Variants in TUSC3 observed in about 807,000 individuals in gnomAD.
TUSC3 encodes tumor suppressor candidate 3.
TUSC3 carries 45 observed loss-of-function variants against 44.8 expected under a neutral mutation model. That is an observed-to-expected ratio of 1.00 (90% CI 0.79 to 1.29). TUSC3 has a LOEUF of 1.29. Among genes scored for constraint, TUSC3 ranks in the 50% most tolerant of loss-of-function variants. The pLI is 0.00. For synonymous variants in TUSC3, 212 were observed against 152.9 expected, an observed-to-expected ratio of 1.39 and a Z score of -2.85; for missense variants, 519 against 437.9, an observed-to-expected ratio of 1.19 and a Z score of -1.65.
intron 2 of TUSC3, among the ~76,000 whole-genome samples, chr8:15,524,956 T>C (rs1024229070): frequency 6.6e-6 from 1 of 152,232 alleles, no homozygotes; most frequent in Non-Finnish European, 1.5e-5. Context: ...AGGGGGCCTC[T>C]GGCCTCTGCT....
At chr8:15,512,606 C>G (rs921947826) in intron 2 of TUSC3, among the ~76,000 whole-genome samples, 1 of 152,042 alleles carries the variant, frequency 6.6e-6, no homozygotes, top group Non-Finnish European at 1.5e-5. Context: ...AACCCCGTCT[C>G]TACTAAAAAT....
chr8:15,586,548 G>C (rs1803610024), intron 1 of TUSC3, among the ~76,000 whole-genome samples: 1 of 152,218 alleles, frequency 6.6e-6, no homozygotes, highest in Non-Finnish European at 1.5e-5. Flanking sequence ...CATTACCTCA[G>C]GCCCAGCCAG....
At chr8:15,456,723 A>T (rs1800261501) in intron 1 of TUSC3, among the ~76,000 whole-genome samples, 1 of 152,278 alleles carries the variant, frequency 6.6e-6, no homozygotes, top group Non-Finnish European at 1.5e-5. Flanking sequence ...TTCCTATCCC[A>T]CCACATTAAA....
At chr8:15,823,819 C>G in the TUSC3 span, among the ~76,000 whole-genome samples, 2 of 152,088 alleles carry the variant, frequency 1.3e-5, no homozygotes, top group African/African-American at 4.8e-5. Context: ...TAACACCTGT[C>G]TTATTGGTAT....
At chr8:15,447,601 A>G (rs990963243) in intron 1 of TUSC3, among the ~76,000 whole-genome samples, 3 of 152,186 alleles carry the variant, frequency 2.0e-5, no homozygotes, top group Non-Finnish European at 4.4e-5. Flanking sequence ...GATTTGACAC[A>G]AAGATTCTGT....
In TUSC3 at chr8:15,443,111, C is replaced by G. The variant is rs144711044; in HGVS notation, n.91+25806C>G. On this transcript the variant is annotated intron_variant and non_coding_transcript_variant, in intron 1 of 5. Transcript: ENST00000503191. ...TGTATACTGAAGTCTCTCTCCCCTA[C>G]TGTAGTAGTTTAAATAAAATCTGAC... Among the ~76,000 whole-genome samples, 398 of 152,278 alleles carry G rather than the reference C, an allele frequency of 2.6e-3. 2 individuals carry two copies. In the East Asian group the frequency reaches 0.043, roughly 16 times the overall value.
rs189274288 is a variant in TUSC3, at chr8:15,420,061, T to A, written n.91+2756T>A. Among the ~76,000 whole-genome samples the A allele has an allele frequency of 1.6e-3, 244 of 152,306 alleles. 1 individual carries two copies. Among genetic ancestry groups the A allele is most frequent in the African/African-American group, 5.5e-3 (229 of 41,568 alleles). On this transcript the variant is annotated intron_variant and non_coding_transcript_variant, in intron 1 of 5. Transcript: ENST00000503191. ...TAGCAGGAAATAAATATATTATTTT[T>A]GATGTAATGATGCCAAAAACACTAT...
At chr8:15,524,837 C>A (rs1801352931) in intron 2 of TUSC3, among the ~76,000 whole-genome samples, 1 of 152,094 alleles carries the variant, frequency 6.6e-6, no homozygotes, top group African/African-American at 2.4e-5. Flanking sequence ...TCCCAGAATA[C>A]AGTTGTCTTT....
chr8:15,562,169 G>A (rs905046618), intron 1 of TUSC3, among the ~76,000 whole-genome samples: 4 of 152,106 alleles, frequency 2.6e-5, no homozygotes, highest in Non-Finnish European at 5.9e-5. Flanking sequence ...AACCTAGTTG[G>A]GGTATCACTA....
At chr8:15,441,687 G>C (rs1800021773) in intron 1 of TUSC3, among the ~76,000 whole-genome samples, 1 of 152,092 alleles carries the variant, frequency 6.6e-6, no homozygotes, top group African/African-American at 2.4e-5. Flanking sequence ...CAATTATTCA[G>C]TTGTGAAGAA....
chr8:15,566,385 TTTA>T (rs1327415182), intron 1 of TUSC3, among the ~76,000 whole-genome samples: 5 of 152,108 alleles, frequency 3.3e-5, no homozygotes, highest in Non-Finnish European at 7.4e-5. Context: ...TTTAAATCAT[TTTA>T]TTATTCCTCA....
intron 6 of TUSC3, chr8:15,689,053 T>C (rs1808772902): frequency 6.1e-6 from 2 of 329,590 alleles, no homozygotes; most frequent in Non-Finnish European, 6.0e-6. Context: ...GACTCGTCAA[T>C]GTCATTTACA....
chr8:15,454,549 G>T (rs966293730), intron 1 of TUSC3, among the ~76,000 whole-genome samples: 1 of 152,164 alleles, frequency 6.6e-6, no homozygotes, highest in Non-Finnish European at 1.5e-5. Flanking sequence ...TTTCCAGCTC[G>T]CTATTTGTTT....
intron 2 of TUSC3, among the ~76,000 whole-genome samples, chr8:15,637,504 T>C (rs1049770884): frequency 6.6e-6 from 1 of 152,198 alleles, no homozygotes; most frequent in Non-Finnish European, 1.5e-5. Flanking sequence ...TTTAATGATA[T>C]TTACTTTAGG....
rs564654452 is a variant in TUSC3, at chr8:15,619,561, G to A, written c.139-3519G>A. Among the ~76,000 whole-genome samples, 10 of 151,788 alleles carry A rather than the reference G, an allele frequency of 6.6e-5. No individual in the cohort carries two copies. In the South Asian group the frequency reaches 1.2e-3, roughly 19 times the overall value. On this transcript the variant is annotated intron_variant, in intron 1 of 10. Coordinates refer to ENST00000503731, the MANE Select transcript of TUSC3 (RefSeq NM_006765.4). ...GGCTGGAGTGCAGTGGCACGATCTC[G>A]GCTTACTGCAAGCTCCACTTCCTGG... is the stretch of plus-strand genomic sequence containing the variant.
At chr8:15,785,202 G>A in the TUSC3 span, among the ~76,000 whole-genome samples, 4 of 151,940 alleles carry the variant, frequency 2.6e-5, no homozygotes, top group South Asian at 2.1e-4. Context: ...AGTACGACCC[G>A]TACCTCCACA....
the TUSC3 span, among the ~76,000 whole-genome samples, chr8:15,816,367 T>C: frequency 4.9e-4 from 75 of 152,294 alleles, no homozygotes; most frequent in African/African-American, 1.7e-3. Context: ...GGTGGCAATG[T>C]AGGCATTTTC....
chr8:15,656,154 T>C (rs1807154094), intron 3 of TUSC3, among the ~76,000 whole-genome samples: 1 of 152,232 alleles, frequency 6.6e-6, no homozygotes, highest in African/African-American at 2.4e-5. Flanking sequence ...CATCATATTC[T>C]GCCCCTAACC....
At chr8:15,475,985 G>A (rs781389726) in intron 1 of TUSC3, among the ~76,000 whole-genome samples, 3 of 152,118 alleles carry the variant, frequency 2.0e-5, no homozygotes, top group Non-Finnish European at 4.4e-5. Flanking sequence ...AACATAATGA[G>A]GGTCTTCTTT....
Sources: gnomAD v4.1 joint callset for allele counts (sites outside exome capture counted in the v4.1 genomes callset) on GRCh38, gnomAD v4.1.1 for gene constraint, MANE v1.5 for transcripts, NCBI Gene and HGNC (gene_info 2026-07-23, HGNC 2026-07-21) for gene names.